The following HPN variants were observed in gnomAD, a reference collection of about 807,000 sequenced individuals.
HPN encodes serine protease hepsin.
HPN carries 13 observed loss-of-function variants against 55.9 expected under a neutral mutation model. That is an observed-to-expected ratio of 0.23 (90% CI 0.15 to 0.37). The LOEUF is 0.37. HPN is among the 10% of genes least tolerant of loss of function. The pLI is 1.00. For synonymous variants in HPN, 225 were observed against 240.3 expected (o/e 0.94, Z 0.59); for missense variants, 451 against 575.8 (o/e 0.78, Z 2.22).
rs1568361888 is a variant in HPN at position 35,060,146 on chromosome 19, GT to G, written c.434del (p.Phe145SerfsTer55). ...TCTCCCAGTGATTGCCCCAGAGGCC[GT>G]TTCTTGGCCGCCATCTGCCAAGGTG... ...VISVCDCPRG[R>X]FLAAICQDCG... On this transcript the variant is annotated frameshift_variant, in exon 7 of 13. Transcript: ENST00000672452. LOFTEE classifies it high-confidence loss of function. 1 of 1,614,128 alleles carries G rather than the reference GT, an allele frequency of 6.2e-7. No individual in the cohort carries two copies. The highest frequency in any genetic ancestry group is 8.5e-7 in the Non-Finnish European group (1 of 1,180,022).
chr19:35,062,259 G>T (rs2064544488), intron 9 of HPN, among the ~76,000 whole-genome samples: 1 of 152,104 alleles, frequency 6.6e-6, no homozygotes, highest in African/African-American at 2.4e-5. Flanking sequence ...TCTTGTCTGG[G>T]TGATGAAAGA....
At chr19:35,053,825 T>A (rs898936848) in intron 4 of HPN, among the ~76,000 whole-genome samples, 11 of 149,562 alleles carry the variant, frequency 7.4e-5, no homozygotes, top group Non-Finnish European at 1.2e-4. Context: ...ACCCTGAGAC[T>A]TGGCCTTGGA....
At chr19:35,050,317 T>G in intron 4 of HPN, 1 of 411,150 alleles carries the variant, frequency 2.4e-6, no homozygotes, top group South Asian at 1.8e-5. Context: ...AGAGATGAGA[T>G]TTCACCATGT....
In HPN at chr19:35,066,384, C is replaced by T. The variant is rs932176338; in HGVS notation, c.*97C>T. On this transcript the variant is annotated 3_prime_UTR_variant, in exon 13 of 13. Coordinates refer to ENST00000672452, the MANE Select transcript of HPN (RefSeq NM_001384133.1). ...GATGGGACGTTTTTCTTCTTGGGCC[C>T]GGTCCACAGGTCCAAGGACACCCTC... 11 of 1,487,150 alleles carry T rather than the reference C, an allele frequency of 7.4e-6. No individual in the cohort carries two copies. The highest frequency in any genetic ancestry group is 5.6e-5 in the African/African-American group (4 of 71,826). The allele number at this position is 1,487,150 out of a possible 1,614,324, so 92.1% of individuals were successfully genotyped here.
chr19:35,048,552 A>G (rs987241877), intron 2 of HPN, among the ~76,000 whole-genome samples: 7 of 152,134 alleles, frequency 4.6e-5, no homozygotes, highest in African/African-American at 1.7e-4. Context: ...CAAAGATATG[A>G]TGGCACCTGC....
rs570146872 is a variant in HPN, at chr19:35,049,563, G to A, written c.160+47G>A. On this transcript the variant is annotated intron_variant, in intron 4 of 12. Transcript: ENST00000672452. The stretch of plus-strand genomic sequence containing the variant: ...CCTCTGGGGGAGCCCTGGAGGACAC[G>A]TGTATCTGGCGGGAGCTCAACAAGC... 31 of 1,537,576 alleles carry A rather than the reference G, an allele frequency of 2.0e-5. No homozygotes were observed. The African/African-American group carries it at 2.3e-4, about 11-fold the overall frequency.
chr19:35,052,251 G>A (rs929577926), intron 4 of HPN, among the ~76,000 whole-genome samples: 1 of 152,138 alleles, frequency 6.6e-6, no homozygotes, highest in Non-Finnish European at 1.5e-5. Flanking sequence ...ACTTGGGCGG[G>A]GTGCGGTGGC....
rs753370760 is a variant in HPN at position 35,041,773 on chromosome 19, C to T, written c.-154C>T. The T allele has an allele frequency of 1.7e-5, 22 of 1,308,078 alleles. No homozygotes were observed. Among genetic ancestry groups the T allele is most frequent in the African/African-American group, 3.1e-5 (2 of 65,530 alleles). 81.0% of individuals were successfully genotyped at this position (1,308,078 alleles called of 1,614,324 possible). On this transcript the variant is annotated 5_prime_UTR_variant, in exon 1 of 13. Coordinates refer to ENST00000672452, the MANE Select transcript of HPN (RefSeq NM_001384133.1). Reference sequence around the variant, plus strand: ...CACGCCACCGCCTCTGCCTCCAGGCCGCCCGCTGCTGCGGGGCCACCATGC... The same window carrying T: ...CACGCCACCGCCTCTGCCTCCAGGCTGCCCGCTGCTGCGGGGCCACCATGC...
chr19:35,064,318 GTCTC>G (rs10577478), intron 9 of HPN, among the ~76,000 whole-genome samples: 30 of 149,776 alleles, frequency 2.0e-4, no homozygotes, highest in Admixed American at 2.7e-4. Flanking sequence ...AGATAGGAGT[GTCTC>G]TCTCTCTCTC....
chr19:35,054,570 C>G (rs1016021472), intron 4 of HPN, among the ~76,000 whole-genome samples: 1 of 152,168 alleles, frequency 6.6e-6, no homozygotes, highest in African/African-American at 2.4e-5. Context: ...TGTTGTTTAA[C>G]CCTCCAGAGG....
At chr19:35,048,080 G>GAAAGAAAGAA (rs1555722997) in intron 2 of HPN, among the ~76,000 whole-genome samples, 95 of 36,474 alleles carry the variant, frequency 2.6e-3, no homozygotes, top group African/African-American at 5.7e-3. Context: ...AAGAAAGAAA[G>GAAAGAAAGAA]AAAAGGAAGG....
chr19:35,059,946 C>T lies in HPN; in HGVS notation c.363C>T (p.Asp121=), dbSNP rs775037142. 22 of 1,541,852 alleles carry T rather than the reference C, an allele frequency of 1.4e-5. No individual in the cohort carries two copies. Among genetic ancestry groups the T allele is most frequent in the South Asian group, 1.1e-4 (9 of 78,622 alleles). The change falls in exon 6 of 13, where the codon GAC becomes GAT. Residue 121 remains aspartate, a synonymous_variant. Transcript: ENST00000672452. ...ANGTSGFFCV[D]EGRLPHTQRL... ...GCACGTCGGGCTTCTTCTGTGTGGA[C>T]GAGGGGAGGCTGCCCCACACCCAGA...
At chr19:35,049,987 C>A (rs754472068) in intron 4 of HPN, among the ~76,000 whole-genome samples, 1 of 151,798 alleles carries the variant, frequency 6.6e-6, no homozygotes, top group Admixed American at 6.6e-5. Flanking sequence ...CAGCAGTTTG[C>A]CCCAGACTAC....
intron 2 of HPN, among the ~76,000 whole-genome samples, chr19:35,046,157 C>A (rs997596050): frequency 6.6e-6 from 1 of 152,070 alleles, no homozygotes; most frequent in Non-Finnish European, 1.5e-5. Flanking sequence ...AGGGGTCAGC[C>A]GGCAGTAGTT....
chr19:35,064,883 A>G (rs1282802550), intron 9 of HPN, among the ~76,000 whole-genome samples: 1 of 151,970 alleles, frequency 6.6e-6, no homozygotes, highest in Non-Finnish European at 1.5e-5. Context: ...GTGCAATGAC[A>G]TGATCTCGGC....
At chr19:35,057,589 G>T (rs577191290) in intron 4 of HPN, among the ~76,000 whole-genome samples, 123 of 152,166 alleles carry the variant, frequency 8.1e-4, no homozygotes, top group African/African-American at 2.6e-3. Flanking sequence ...TTAATTTAAA[G>T]ATATAAATGT....
At chr19:35,045,179 C>T (rs950274970) in intron 2 of HPN, among the ~76,000 whole-genome samples, 45 of 151,838 alleles carry the variant, frequency 3.0e-4, no homozygotes, top group Admixed American at 6.6e-4. Flanking sequence ...GGGCTGGGGA[C>T]AGAGGGGAAA....
chr19:35,054,530 T>TA (rs2064436438), intron 4 of HPN, among the ~76,000 whole-genome samples: 1 of 152,170 alleles, frequency 6.6e-6, no homozygotes, highest in Non-Finnish European at 1.5e-5. Flanking sequence ...CACCCCCCAG[T>TA]AAACGTAGCC....
chr19:35,057,184 G>C (rs1347667940), intron 4 of HPN, among the ~76,000 whole-genome samples: 1 of 152,142 alleles, frequency 6.6e-6, no homozygotes, highest in Non-Finnish European at 1.5e-5. Flanking sequence ...CAGCACTTTG[G>C]GAGGCCAAGA....
Sources: allele counts gnomAD v4.1 joint callset (sites outside exome capture counted in the v4.1 genomes callset), GRCh38; gene constraint gnomAD v4.1.1; transcripts MANE v1.5; gene names NCBI Gene and HGNC (gene_info 2026-07-23, HGNC 2026-07-21).